Variants in TP63 observed in about 807,000 individuals in gnomAD.
The protein encoded by TP63 is tumor protein 63.
In TP63, 17 loss-of-function variants were observed where a neutral mutation model predicts 82.8. The ratio of observed to expected loss-of-function variants is 0.21; its 90% CI spans 0.14 to 0.31. The LOEUF is 0.31. Ranked by LOEUF, TP63 falls within the 10% of genes least tolerant of loss-of-function variation. TP63 has a pLI of 1.00. For missense variants in TP63, 648 were observed against 895.3 expected (o/e 0.72, Z 3.52); for synonymous variants, 330 against 321.7 (o/e 1.03, Z -0.28).
chr3:189,664,891 C>G (rs1484407399), intron 1 of TP63, among the ~76,000 whole-genome samples: 2 of 152,056 alleles, frequency 1.3e-5, no homozygotes, highest in African/African-American at 4.8e-5. Flanking sequence ...GGTGGGGAGA[C>G]AGTGTTGTAT....
intron 7 of TP63, 28 bp downstream of exon 7, chr3:189,867,970 C>G: frequency 6.3e-7 from 1 of 1,589,352 alleles, no homozygotes. Flanking sequence ...AATTGTCATT[C>G]TACACAAAAA....
At chr3:189,817,096 A>G (rs1298506270) in intron 4 of TP63, among the ~76,000 whole-genome samples, 1 of 151,976 alleles carries the variant, frequency 6.6e-6, no homozygotes, top group East Asian at 1.9e-4. Flanking sequence ...TTGTGTTAGT[A>G]CCAACCTTTC....
chr3:189,709,002 C>T (rs2108751338), intron 1 of TP63, among the ~76,000 whole-genome samples: 1 of 152,264 alleles, frequency 6.6e-6, no homozygotes, highest in Middle Eastern at 3.4e-3. Flanking sequence ...ATATATTTTA[C>T]TGTGGTATAT....
intron 4 of TP63, chr3:189,829,982 T>C (rs1248158579): frequency 3.2e-6 from 1 of 312,076 alleles, no homozygotes; most frequent in Admixed American, 4.4e-5. Flanking sequence ...GAGAAATTAT[T>C]GTACATCGGA....
At position 189,737,787 on chromosome 3, in the gene TP63, G is replaced by T. The variant is rs754361670; in HGVS notation, c.110G>T (p.Arg37Leu). 1 of 1,613,870 alleles carries T rather than the reference G, an allele frequency of 6.2e-7. No homozygotes were observed. Among genetic ancestry groups the T allele is most frequent in the South Asian group, 1.1e-5 (1 of 91,066 alleles). Residue 37 changes from arginine to leucine, a missense_variant, in exon 2 of 14, where the codon CGA (arginine) becomes CTA (leucine). Physicochemically the swap from Arg to Leu is moderately radical, Grantham distance 102. This residue lies in a region of TP63 where 182 missense variants were observed against 213.6 expected (regional missense o/e 0.85). Transcript: ENST00000264731. ...TTCTCTTGGAAAGAAAGTTATTACC[G>T]ATCCACCATGTCCCAGAGCACACAG... is the stretch of plus-strand genomic sequence containing the variant. ...AHFSWKESYY[R>L]STMSQSTQTN...
intron 1 of TP63, among the ~76,000 whole-genome samples, chr3:189,665,850 C>A (rs887208790): frequency 2.0e-5 from 3 of 152,052 alleles, no homozygotes; most frequent in African/African-American, 7.2e-5. Context: ...AAAGGCTTGT[C>A]TTTTTTGTTT....
chr3:189,751,356 A>G (rs1264197030), intron 3 of TP63, among the ~76,000 whole-genome samples: 1 of 152,206 alleles, frequency 6.6e-6, no homozygotes, highest in East Asian at 1.9e-4. Flanking sequence ...CGCTGGGTCA[A>G]ATGGTATTTC....
At chr3:189,691,699 A>G (rs755172297) in intron 1 of TP63, among the ~76,000 whole-genome samples, 1 of 152,150 alleles carries the variant, frequency 6.6e-6, no homozygotes, top group Non-Finnish European at 1.5e-5. Context: ...TGTTTCTCAC[A>G]CTAGCTGTGT....
chr3:189,657,066 G>T (rs184886568), intron 1 of TP63, among the ~76,000 whole-genome samples: 5 of 151,856 alleles, frequency 3.3e-5, no homozygotes, highest in Admixed American at 3.3e-4. Context: ...TATTGCTAAG[G>T]GGAAGAAGCC....
At chr3:189,865,101 A>G (rs556810986) in intron 5 of TP63, among the ~76,000 whole-genome samples, 20 of 152,308 alleles carry the variant, frequency 1.3e-4, no homozygotes, top group African/African-American at 4.8e-4. Context: ...CTTCAGATTT[A>G]GTGTTTTCCC....
At chr3:189,759,829 T>C (rs62279913) in intron 3 of TP63, among the ~76,000 whole-genome samples, 9,664 of 152,178 alleles carry the variant, frequency 0.064, 479 homozygotes, top group East Asian at 0.23. Flanking sequence ...TACCCAAGAC[T>C]GGGCAATTTA....
chr3:189,604,152 A>G, the TP63 span, among the ~76,000 whole-genome samples: 1 of 152,102 alleles, frequency 6.6e-6, no homozygotes, highest in Admixed American at 6.6e-5. Context: ...TAGATCTGCT[A>G]CCTCCTTGCG....
the TP63 span, among the ~76,000 whole-genome samples, chr3:189,607,243 A>G: frequency 2.0e-5 from 3 of 152,376 alleles, no homozygotes; most frequent in Admixed American, 2.0e-4. Context: ...TAGAGCAGGA[A>G]AAAGAACATT....
chr3:189,765,588 C>T (rs1382549175), intron 3 of TP63, among the ~76,000 whole-genome samples: 1 of 151,626 alleles, frequency 6.6e-6, no homozygotes. Flanking sequence ...GCCCACCAAA[C>T]ATTCCCAGCT....
At chr3:189,704,921 A>G (rs1262745020) in intron 1 of TP63, among the ~76,000 whole-genome samples, 1 of 152,220 alleles carries the variant, frequency 6.6e-6, no homozygotes, top group African/African-American at 2.4e-5. Context: ...GCCAGCTAGA[A>G]TAATTCCTAT....
chr3:189,859,347 A>G (rs1716719301), intron 4 of TP63, among the ~76,000 whole-genome samples: 1 of 152,198 alleles, frequency 6.6e-6, no homozygotes, highest in South Asian at 2.1e-4. Flanking sequence ...CTCAAAAGGT[A>G]CAAAATATTT....
chr3:189,669,010 A>T (rs894760431), intron 1 of TP63, among the ~76,000 whole-genome samples: 1 of 108,220 alleles, frequency 9.2e-6, no homozygotes. Context: ...AAAGCTAAAG[A>T]TGAAAGAAAC....
intron 3 of TP63, among the ~76,000 whole-genome samples, chr3:189,793,999 G>C (rs140325967): frequency 1.7e-3 from 253 of 152,132 alleles, no homozygotes; most frequent in Middle Eastern, 0.01. Context: ...TGATTCAAAA[G>C]TTAAGTTTTA....
rs550881252 is a variant in TP63, at chr3:189,814,929, A to G, written c.579+6403A>G. On this transcript the variant is annotated intron_variant, in intron 4 of 13. Transcript: ENST00000264731. The stretch of plus-strand genomic sequence containing the variant: ...CATTAAACTGATCTTGATTTATTGC[A>G]TGTGAACATTATAAAAACTATTGAT... Among the ~76,000 whole-genome samples the G allele has an allele frequency of 1.9e-4, 29 of 152,338 alleles. No individual in the cohort carries two copies. The South Asian group carries it at 5.8e-3, about 30-fold the overall frequency.
Sources: allele counts gnomAD v4.1 joint callset (sites outside exome capture counted in the v4.1 genomes callset), GRCh38; gene constraint gnomAD v4.1.1; regional missense constraint gnomAD v4.1.1; transcripts MANE v1.5; gene names NCBI Gene and HGNC (gene_info 2026-07-23, HGNC 2026-07-21).